SLC39A11: variants seen among roughly 807,000 people sequenced by gnomAD.
SLC39A11 encodes the protein zinc transporter ZIP11.
SLC39A11 carries 33 observed loss-of-function variants against 36.1 expected under a neutral mutation model. That is an observed-to-expected ratio of 0.91 (90% CI 0.69 to 1.22). The LOEUF is 1.22. SLC39A11 is among the 50% of genes most tolerant of loss of function. The probability of loss-of-function intolerance (pLI) is 0.00; values close to 1 mark genes in which losing one functional copy is unlikely to be tolerated. For synonymous variants in SLC39A11, 166 were observed against 170.3 expected (o/e 0.97, Z 0.20); for missense variants, 432 against 430.3 (o/e 1.00, Z -0.03).
chr17:73,063,569 C>T (rs2144308040), intron 3 of SLC39A11, among the ~76,000 whole-genome samples: 1 of 151,946 alleles, frequency 6.6e-6, no homozygotes, highest in South Asian at 2.1e-4. Context: ...GAGCCGAGAT[C>T]GTGTCACTGC....
At chr17:72,900,192 A>AAG (rs1567912855) in intron 5 of SLC39A11, among the ~76,000 whole-genome samples, 2 of 137,046 alleles carry the variant, frequency 1.5e-5, no homozygotes, top group African/African-American at 6.8e-5. Flanking sequence ...AAAGAAAGAA[A>AAG]GAAAGAAAGA....
chr17:72,849,548 C>T (rs1355693020), intron 6 of SLC39A11, 86 bp downstream of exon 6: 2 of 1,375,850 alleles, frequency 1.5e-6, no homozygotes, highest in East Asian at 5.0e-5. Context: ...CACAATTGCC[C>T]CTTCCCCTTT....
At chr17:72,658,287 G>A (rs1333590461) in intron 7 of SLC39A11, among the ~76,000 whole-genome samples, 1 of 152,192 alleles carries the variant, frequency 6.6e-6, no homozygotes, top group Non-Finnish European at 1.5e-5. Context: ...GACAGTCTGA[G>A]GTACTTTTCC....
At chr17:72,886,271 C>A (rs530717045) in intron 5 of SLC39A11, among the ~76,000 whole-genome samples, 2 of 152,330 alleles carry the variant, frequency 1.3e-5, no homozygotes, top group African/African-American at 4.8e-5. Flanking sequence ...ATCTCCAACC[C>A]CAATGTCTTC....
At chr17:73,073,412 A>C (rs989277250) in intron 3 of SLC39A11, among the ~76,000 whole-genome samples, 1 of 152,176 alleles carries the variant, frequency 6.6e-6, no homozygotes, top group Non-Finnish European at 1.5e-5. Context: ...ACCAGGCCAC[A>C]CTGGGCTTGT....
intron 3 of SLC39A11, among the ~76,000 whole-genome samples, chr17:73,049,075 A>G (rs928718777): frequency 1.3e-5 from 2 of 152,234 alleles, no homozygotes; most frequent in Non-Finnish European, 2.9e-5. Flanking sequence ...GTGAGCTGCT[A>G]TTTGTACACA....
chr17:72,768,311 T>C (rs538788091), intron 6 of SLC39A11, among the ~76,000 whole-genome samples: 195 of 152,324 alleles, frequency 1.3e-3, no homozygotes, highest in African/African-American at 4.6e-3. Context: ...ATTTAAACTA[T>C]AACCTAAATG....
chr17:73,082,375 A>G (rs2144765375), intron 3 of SLC39A11, among the ~76,000 whole-genome samples: 1 of 152,222 alleles, frequency 6.6e-6, no homozygotes, highest in Middle Eastern at 3.4e-3. Context: ...ATGGGGCTTT[A>G]TTCTTGTTTT....
intron 7 of SLC39A11, among the ~76,000 whole-genome samples, chr17:72,659,096 G>A (rs780785827): frequency 1.2e-4 from 19 of 152,284 alleles, no homozygotes; most frequent in Middle Eastern, 3.4e-3. Flanking sequence ...CTCTTCTCAG[G>A]AGTCACTCCA....
At chr17:72,775,750 G>C (rs1446650818) in intron 6 of SLC39A11, among the ~76,000 whole-genome samples, 1 of 152,170 alleles carries the variant, frequency 6.6e-6, no homozygotes, top group Admixed American at 6.5e-5. Flanking sequence ...CTACCTGGAA[G>C]GACCAAGCAG....
intron 7 of SLC39A11, among the ~76,000 whole-genome samples, chr17:72,654,883 C>G (rs1598232969): frequency 6.6e-6 from 1 of 152,356 alleles, no homozygotes; most frequent in East Asian, 1.9e-4. Flanking sequence ...ATAGCGCTGA[C>G]TACAGCCATC....
intron 4 of SLC39A11, among the ~76,000 whole-genome samples, chr17:72,963,169 C>CTTTTTTTTTT (rs5821936): frequency 8.7e-6 from 1 of 114,552 alleles, no homozygotes; most frequent in African/African-American, 3.5e-5. Context: ...TTTTTCCTTT[C>CTTTTTTTTTT]TTTTTTTTTT....
At chr17:72,783,211 T>C (rs915431172) in intron 6 of SLC39A11, among the ~76,000 whole-genome samples, 3 of 152,106 alleles carry the variant, frequency 2.0e-5, no homozygotes, top group African/African-American at 7.3e-5. Context: ...TGAATCTGAA[T>C]CTGCTGGCAC....
chr17:73,050,389 G>A (rs952348075), intron 3 of SLC39A11, among the ~76,000 whole-genome samples: 6 of 149,912 alleles, frequency 4.0e-5, no homozygotes, highest in African/African-American at 1.2e-4. Context: ...GGTTATCAGC[G>A]GGGAGGAGAG....
intron 3 of SLC39A11, among the ~76,000 whole-genome samples, chr17:73,044,729 C>G (rs2143640039): frequency 6.6e-6 from 1 of 152,066 alleles, no homozygotes; most frequent in South Asian, 2.1e-4. Context: ...CAAAAATTAG[C>G]TGGGGATGGT....
chr17:73,042,786 G>A (rs956282426), intron 3 of SLC39A11, among the ~76,000 whole-genome samples: 5 of 152,182 alleles, frequency 3.3e-5, no homozygotes, highest in East Asian at 3.9e-4. Context: ...TGGGCAACAA[G>A]AGTGAAACTC....
intron 6 of SLC39A11, among the ~76,000 whole-genome samples, chr17:72,739,953 T>G (rs1209127357): frequency 6.6e-6 from 1 of 152,080 alleles, no homozygotes. Context: ...ACATATTTTG[T>G]GTGCTATATA....
chr17:73,013,141 G>A (rs1215696462), intron 4 of SLC39A11, among the ~76,000 whole-genome samples: 1 of 152,036 alleles, frequency 6.6e-6, no homozygotes, highest in Non-Finnish European at 1.5e-5. Context: ...CATCCAGGCT[G>A]GAGTGCAGTG....
At chr17:72,925,482 C>T (rs1415120180) in intron 5 of SLC39A11, among the ~76,000 whole-genome samples, 1 of 152,212 alleles carries the variant, frequency 6.6e-6, no homozygotes, top group Non-Finnish European at 1.5e-5. Context: ...CTCCCTCCCA[C>T]AGATACCAAG....
Sources: gnomAD v4.1 joint callset for allele counts (sites outside exome capture counted in the v4.1 genomes callset) on GRCh38, gnomAD v4.1.1 for gene constraint, MANE v1.5 for transcripts, NCBI Gene and HGNC (gene_info 2026-07-23, HGNC 2026-07-21) for gene names.